Variants in ABCC11 observed in about 807,000 individuals in gnomAD.
ABCC11 encodes ATP-binding cassette sub-family C member 11.
Under a neutral mutation model 149.3 loss-of-function variants are expected in ABCC11, and 135 were observed. The ratio of observed to expected loss-of-function variants is 0.90; its 90% confidence interval spans 0.79 to 1.04. The LOEUF (loss-of-function observed/expected upper bound fraction) is 1.04, where lower values mean the gene tolerates loss of function less well. Among genes scored for constraint, ABCC11 ranks in the 50% least tolerant of loss-of-function variants. ABCC11 has a pLI of 0.00. For missense variants in ABCC11, 1,680 were observed against 1,722.1 expected (o/e 0.98, Z 0.43); for synonymous variants, 665 against 671.4 (o/e 0.99, Z 0.15).
intron 1 of ABCC11, among the ~76,000 whole-genome samples, chr16:48,247,003 G>C (rs1971423207): frequency 1.3e-4 from 1 of 7,842 alleles, no homozygotes; most frequent in South Asian, 3.4e-3. Context: ...CTTTAACTGA[G>C]TAGCAATGTT....
chr16:48,216,205 G>T lies in ABCC11; in HGVS notation c.860C>A (p.Ser287Ter). 6.2e-7 allele frequency: 1 copy of T among 1,614,112 alleles called. No individual in the cohort carries two copies. The highest frequency in any genetic ancestry group is 1.1e-5 in the South Asian group (1 of 91,078). The change falls in exon 7 of 30, where the codon TCG (serine) becomes TAG (stop). Residue 287 changes from serine to a stop codon, truncating the protein, a stop_gained. Transcript: ENST00000356608. LOFTEE classifies it high-confidence loss of function. ...YGPLVLITCASLVICSISSYF... is the reference protein window; with the variant it reads ...YGPLVLITCA ...GGAAGAAATGCTGCAGATGACCAGC[G>T]ATGCGCAGGTGATCAGTACTAGGGG...
intron 1 of ABCC11, among the ~76,000 whole-genome samples, chr16:48,242,647 A>C (rs1007148711): frequency 1.3e-5 from 2 of 152,230 alleles, no homozygotes; most frequent in Non-Finnish European, 2.9e-5. Context: ...GAACCAACCC[A>C]AATGTCCATC....
chr16:48,240,701 T>C (rs1229909579), intron 1 of ABCC11, among the ~76,000 whole-genome samples: 1 of 151,844 alleles, frequency 6.6e-6, no homozygotes, highest in Non-Finnish European at 1.5e-5. Context: ...GGTGCAAAAG[T>C]AATTGCGGTT....
chr16:48,230,253 A>T (rs1451839064), intron 3 of ABCC11, among the ~76,000 whole-genome samples, 184 bp downstream of exon 3: 1 of 152,176 alleles, frequency 6.6e-6, no homozygotes, highest in Non-Finnish European at 1.5e-5. Flanking sequence ...TCCTTTCTGT[A>T]TGAATAAATA....
intron 20 of ABCC11, among the ~76,000 whole-genome samples, chr16:48,190,376 T>TA (rs980509731): frequency 3.3e-5 from 5 of 151,612 alleles, no homozygotes; most frequent in Non-Finnish European, 5.9e-5. Context: ...TTTTTTTTTT[T>TA]AAATGAGATA....
chr16:48,198,425 G>A, intron 15 of ABCC11, 150 bp from the exon 16 acceptor site: 1 of 884,030 alleles, frequency 1.1e-6, no homozygotes, highest in Non-Finnish European at 1.7e-6. Context: ...ACAACTCCAA[G>A]TGTTGGTGAT....
At chr16:48,176,471 G>C (rs566488542) in intron 25 of ABCC11, among the ~76,000 whole-genome samples, 6 of 152,056 alleles carry the variant, frequency 3.9e-5, no homozygotes, top group Non-Finnish European at 8.8e-5. Flanking sequence ...GTCCAGGAAG[G>C]GGGTGGGGAG....
intron 6 of ABCC11, among the ~76,000 whole-genome samples, chr16:48,218,779 G>A (rs914657240): frequency 3.3e-5 from 5 of 152,096 alleles, no homozygotes; most frequent in East Asian, 1.9e-4. Context: ...TTCACCTTCC[G>A]CCATGATTGT....
At chr16:48,242,918 G>C (rs889709242) in intron 1 of ABCC11, among the ~76,000 whole-genome samples, 1 of 151,988 alleles carries the variant, frequency 6.6e-6, no homozygotes, top group Non-Finnish European at 1.5e-5. Flanking sequence ...GAGTGGGGGG[G>C]AAGGGATACC....
rs966455765 is a variant in ABCC11, at chr16:48,222,797, T to C, written c.578A>G (p.Glu193Gly). The change falls in exon 6 of 30, where the codon GAA becomes GGA. Residue 193 changes from glutamate to glycine, a missense_variant. By Grantham distance (98) the Glu-to-Gly change is moderately conservative. Coordinates refer to ENST00000356608, the MANE Select transcript of ABCC11 (RefSeq NM_001370497.1). ...ATGGACAACATTCCCCAACTGCTCT[T>C]CTGAATATTCCAGGATCTTTGGTAT... is the stretch of plus-strand genomic sequence containing the variant. Reference protein sequence around the residue: ...LIIPKILEYSEEQLGNVVHGV... With the variant: ...LIIPKILEYSGEQLGNVVHGV... 7.4e-6 allele frequency: 12 copies of C among 1,614,154 alleles called. No homozygotes were observed. The highest frequency in any genetic ancestry group is 9.3e-6 in the Non-Finnish European group (11 of 1,179,966).
At chr16:48,168,099 T>C (rs766814166) in intron 28 of ABCC11, among the ~76,000 whole-genome samples, 2 of 152,236 alleles carry the variant, frequency 1.3e-5, no homozygotes, top group Non-Finnish European at 2.9e-5. Context: ...ATTAACGATA[T>C]GCATGAGGAA....
intron 1 of ABCC11, among the ~76,000 whole-genome samples, chr16:48,232,870 G>A (rs1343868643): frequency 6.6e-6 from 1 of 152,158 alleles, no homozygotes; most frequent in Non-Finnish European, 1.5e-5. Flanking sequence ...CACAAATTAT[G>A]TAGTTGGTCC....
At chr16:48,177,271 C>G (rs184691369) in intron 24 of ABCC11, among the ~76,000 whole-genome samples, 158 bp from the exon 25 acceptor site, 1 of 152,214 alleles carries the variant, frequency 6.6e-6, no homozygotes, top group Non-Finnish European at 1.5e-5. Flanking sequence ...GAACATCGCC[C>G]GTGCCCCCAT....
chr16:48,231,600 T>C (rs1970419636), intron 2 of ABCC11, among the ~76,000 whole-genome samples: 1 of 149,478 alleles, frequency 6.7e-6, no homozygotes, highest in African/African-American at 2.5e-5. Flanking sequence ...CCAGGAGGTG[T>C]CAGTGAGCTA....
chr16:48,231,226 G>T (rs1308931825), intron 2 of ABCC11, among the ~76,000 whole-genome samples: 1 of 151,980 alleles, frequency 6.6e-6, no homozygotes, highest in African/African-American at 2.4e-5. Context: ...TAAATGCATA[G>T]ATAAATAGGT....
intron 17 of ABCC11, 80 bp downstream of exon 17, chr16:48,197,891 G>T: frequency 6.9e-7 from 1 of 1,453,958 alleles, no homozygotes; most frequent in Non-Finnish European, 9.6e-7. Context: ...CCCAGTCTGG[G>T]GTCAAGGAGG....
At chr16:48,168,585 C>T (rs1471119836) in intron 28 of ABCC11, among the ~76,000 whole-genome samples, 30 of 152,164 alleles carry the variant, frequency 2.0e-4, no homozygotes, top group Non-Finnish European at 5.9e-5. Context: ...GCCTCGCCTA[C>T]GTAGGAGAAG....
chr16:48,214,087 A>G (rs558854702), intron 9 of ABCC11, among the ~76,000 whole-genome samples: 4 of 152,194 alleles, frequency 2.6e-5, no homozygotes, highest in East Asian at 1.9e-4. Flanking sequence ...GCCCTCCTGG[A>G]GGTGCCGAAA....
At chr16:48,194,109 C>A in intron 18 of ABCC11, 127 bp from the exon 19 acceptor site, 3 of 627,068 alleles carry the variant, frequency 4.8e-6, no homozygotes, top group Non-Finnish European at 8.4e-6. Context: ...ATGTGGACAC[C>A]TTGGAGGAAT....
Sources: allele counts gnomAD v4.1 joint callset (sites outside exome capture counted in the v4.1 genomes callset), GRCh38; gene constraint gnomAD v4.1.1; transcripts MANE v1.5; gene names NCBI Gene and HGNC (gene_info 2026-07-23, HGNC 2026-07-21).